NMNAT3: variants seen among roughly 807,000 people sequenced by gnomAD.
NMNAT3 encodes the protein nicotinamide nucleotide adenylyltransferase 3.
A neutral mutation model predicts 24.8 loss-of-function variants in NMNAT3; 21 were observed. That is an observed-to-expected ratio of 0.85 (90% CI 0.60 to 1.22). The LOEUF is 1.22. NMNAT3 is among the 50% of genes most tolerant of loss of function. The probability of loss-of-function intolerance (pLI) is 0.00; values close to 1 mark genes in which losing one functional copy is unlikely to be tolerated. For synonymous variants in NMNAT3, 136 were observed against 155.2 expected, an observed-to-expected ratio of 0.88 and a Z score of 0.92; for missense variants, 387 against 436.6, an observed-to-expected ratio of 0.89 and a Z score of 1.01.
At chr3:139,664,931 A>G (rs2057529311) in intron 1 of NMNAT3, among the ~76,000 whole-genome samples, 1 of 152,202 alleles carries the variant, frequency 6.6e-6, no homozygotes, top group Non-Finnish European at 1.5e-5. Flanking sequence ...AAAAACAATA[A>G]GAGTCTGAGA....
chr3:139,561,000 TC>T lies in NMNAT3; in HGVS notation c.*9del, dbSNP rs993251311. 6.2e-7 allele frequency: 1 copy of T among 1,603,506 alleles called. No individual in the cohort carries two copies. ...TGTTGGAGGAGGTGTGGGTGCTGAG[TC>T]CCCCCTCCCTAGCTTGTCTTGCCCT... is the stretch of plus-strand genomic sequence containing the variant. On this transcript the variant is annotated 3_prime_UTR_variant, in exon 7 of 7. Coordinates refer to ENST00000643695, the MANE Select transcript of NMNAT3 (RefSeq NM_001320510.2).
Position 139,560,926 on chromosome 3 carries a change from A to C in NMNAT3, c.*84T>G, listed in dbSNP as rs186513856. 119 of 1,428,728 alleles carry C rather than the reference A, an allele frequency of 8.3e-5. 1 individual carries two copies. The African/African-American group carries it at 1.3e-3, about 15-fold the overall frequency. 88.5% of individuals were successfully genotyped at this position (1,428,728 alleles called of 1,614,324 possible). A position where few individuals can be genotyped will look rare whatever the true frequency, so the allele number is the denominator to read the frequency against. On this transcript the variant is annotated 3_prime_UTR_variant, in exon 7 of 7. Transcript: ENST00000643695. ...AAGCAAATGAAAAATGGAGAAGCAA[A>C]AACCAAAGTAAAACAGAAACCTTAA...
intron 3 of NMNAT3, among the ~76,000 whole-genome samples, chr3:139,600,306 A>ATT (rs79173913): frequency 3.4e-4 from 48 of 142,800 alleles, no homozygotes; most frequent in Non-Finnish European, 4.8e-4. Context: ...GATAGAAAGG[A>ATT]TTTTTTTTTT....
rs1371705369 is a variant in NMNAT3, at chr3:139,561,057, T to C, written c.994A>G (p.Thr332Ala). ...CTCTGGGTGCTTTTGCCTTTCCAGG[T>C]ACTGCCCTTGGTGTAGAGGCCATGG... Residue 332 changes from threonine to alanine, a missense_variant, in exon 7 of 7, where the codon ACC becomes GCC. By Grantham distance (58) the Thr-to-Ala change is moderately conservative. Around this residue, in one of 3 missense-constraint regions of NMNAT3, gnomAD observed 323 missense variants for 345.2 expected, o/e 0.94. Coordinates refer to ENST00000643695, the MANE Select transcript of NMNAT3 (RefSeq NM_001320510.2). 1 of 1,613,978 alleles carries C rather than the reference T, an allele frequency of 6.2e-7. No homozygotes were observed. The highest frequency in any genetic ancestry group is 8.5e-7 in the Non-Finnish European group (1 of 1,180,016).
intron 2 of NMNAT3, among the ~76,000 whole-genome samples, chr3:139,633,648 A>T (rs1441728397): frequency 6.6e-6 from 1 of 152,128 alleles, no homozygotes; most frequent in African/African-American, 2.4e-5. Flanking sequence ...AAGATAGTGA[A>T]TACTGTGTCA....
At chr3:139,652,182 T>G (rs922970951) in intron 1 of NMNAT3, among the ~76,000 whole-genome samples, 1 of 152,182 alleles carries the variant, frequency 6.6e-6, no homozygotes, top group Non-Finnish European at 1.5e-5. Context: ...TTCCAGAAGA[T>G]TCACAGCTTC....
intron 1 of NMNAT3, among the ~76,000 whole-genome samples, chr3:139,654,894 G>GC (rs1286217350): frequency 6.6e-6 from 1 of 152,202 alleles, no homozygotes; most frequent in East Asian, 1.9e-4. Flanking sequence ...ATGCTTAGAT[G>GC]CTCACCTGCC....
At chr3:139,647,823 A>C (rs1306687128) in intron 1 of NMNAT3, among the ~76,000 whole-genome samples, 1 of 152,252 alleles carries the variant, frequency 6.6e-6, no homozygotes, top group Non-Finnish European at 1.5e-5. Context: ...ATTGTGAGAA[A>C]ATAAATTTCC....
Position 139,594,150 on chromosome 3 carries a change from A to C in NMNAT3, c.110-10942T>G, listed in dbSNP as rs540563993. Among the ~76,000 whole-genome samples, 17 of 152,362 alleles carry C rather than the reference A, an allele frequency of 1.1e-4. No homozygotes were observed. The South Asian group carries it at 3.3e-3, about 30-fold the overall frequency. On this transcript the variant is annotated intron_variant, in intron 3 of 6. Coordinates refer to ENST00000643695, the MANE Select transcript of NMNAT3 (RefSeq NM_001320510.2). ...GGGATATCACCACCGATCCTACAGA[A>C]ATACAAACTACCATCAGAGAATACT...
chr3:139,637,321 G>A (rs1266605731), intron 2 of NMNAT3: 1 of 152,206 alleles, frequency 6.6e-6, no homozygotes, highest in African/African-American at 2.4e-5. Flanking sequence ...ATGGAATGCA[G>A]TTAGTAGCAA....
chr3:139,595,305 T>C (rs1199301198), intron 3 of NMNAT3, among the ~76,000 whole-genome samples: 2 of 151,980 alleles, frequency 1.3e-5, no homozygotes, highest in Non-Finnish European at 2.9e-5. Context: ...CTCAAGGAAA[T>C]GAAAGAGGAT....
rs1219006669 is a variant in NMNAT3 at position 139,560,209 on chromosome 3, T to C, written c.*801A>G. On this transcript the variant is annotated 3_prime_UTR_variant, in exon 7 of 7. Transcript: ENST00000643695. ...TCATTAGTACTTTTTGATGTCAATT[T>C]ATTATTTATCCCTTTGCCAGTATTC... 2 of 152,680 alleles carry C rather than the reference T, an allele frequency of 1.3e-5. No individual in the cohort carries two copies. Among genetic ancestry groups the C allele is most frequent in the African/African-American group, 4.8e-5 (2 of 41,468 alleles). The allele number at this position is 152,680 out of a possible 1,614,324, so 9.5% of individuals were successfully genotyped here.
chr3:139,658,085 T>C (rs563840558), intron 1 of NMNAT3, among the ~76,000 whole-genome samples: 12 of 152,118 alleles, frequency 7.9e-5, no homozygotes, highest in Non-Finnish European at 1.6e-4. Flanking sequence ...GGGTGGCGTG[T>C]TTTGGGGTTC....
At chr3:139,585,338 C>T (rs2053894713) in intron 3 of NMNAT3, among the ~76,000 whole-genome samples, 1 of 152,070 alleles carries the variant, frequency 6.6e-6, no homozygotes, top group Non-Finnish European at 1.5e-5. Flanking sequence ...GTCATAATTT[C>T]TAGAAATTCT....
At chr3:139,642,750 T>C (rs1317899480) in intron 1 of NMNAT3, among the ~76,000 whole-genome samples, 1 of 152,108 alleles carries the variant, frequency 6.6e-6, no homozygotes, top group Non-Finnish European at 1.5e-5. Flanking sequence ...GCTTCCTTCA[T>C]TGTGGTGTCC....
chr3:139,604,916 G>T (rs756125154), intron 3 of NMNAT3, among the ~76,000 whole-genome samples: 1 of 152,164 alleles, frequency 6.6e-6, no homozygotes, highest in Non-Finnish European at 1.5e-5. Context: ...TGCAGAATGT[G>T]GTGGCAGAGC....
At chr3:139,587,900 G>C (rs1455839060) in intron 3 of NMNAT3, among the ~76,000 whole-genome samples, 3 of 152,142 alleles carry the variant, frequency 2.0e-5, no homozygotes. Context: ...GAAAATGGTG[G>C]AAGGACAGGG....
intron 3 of NMNAT3, among the ~76,000 whole-genome samples, chr3:139,596,180 G>T (rs959077406): frequency 1.3e-5 from 2 of 152,144 alleles, no homozygotes; most frequent in Non-Finnish European, 2.9e-5. Flanking sequence ...CTTATGGGCT[G>T]CTGGGTGGCC....
At chr3:139,631,541 T>C (rs2056297985) in intron 2 of NMNAT3, among the ~76,000 whole-genome samples, 1 of 152,158 alleles carries the variant, frequency 6.6e-6, no homozygotes, top group Non-Finnish European at 1.5e-5. Context: ...CAGAGAGTGA[T>C]AATTGCAGCT....
Sources: allele counts gnomAD v4.1 joint callset (sites outside exome capture counted in the v4.1 genomes callset), GRCh38; gene constraint gnomAD v4.1.1; regional missense constraint gnomAD v4.1.1; transcripts MANE v1.5; gene names NCBI Gene and HGNC (gene_info 2026-07-23, HGNC 2026-07-21).